SLC35F3: variants seen among roughly 807,000 people sequenced by gnomAD.
SLC35F3 encodes the protein solute carrier family 35 member F3.
In SLC35F3, 25 loss-of-function variants were observed where a neutral mutation model predicts 49.9. That is an observed-to-expected ratio of 0.50 (90% CI 0.37 to 0.70). The LOEUF is 0.70. Ranked by LOEUF, SLC35F3 falls within the 30% of genes least tolerant of loss-of-function variation. The pLI, the probability that SLC35F3 is intolerant of heterozygous loss-of-function variation, is 0.00. For synonymous variants in SLC35F3, 275 were observed against 265.4 expected (o/e 1.04, Z -0.35); for missense variants, 525 against 639.8 (o/e 0.82, Z 1.94).
chr1:233,980,337 A>G (rs1663162980), intron 2 of SLC35F3, among the ~76,000 whole-genome samples: 1 of 152,216 alleles, frequency 6.6e-6, no homozygotes, highest in Non-Finnish European at 1.5e-5. Flanking sequence ...GATGATGCCA[A>G]CGACAATGAT....
At chr1:234,220,311 C>T in intron 2 of SLC35F3, among the ~76,000 whole-genome samples, 1 of 151,834 alleles carries the variant, frequency 6.6e-6, no homozygotes, top group African/African-American at 2.4e-5. Context: ...TGTGTGTGTG[C>T]TCATGTGTAC....
At chr1:234,100,162 G>T (rs1665192839) in intron 2 of SLC35F3, among the ~76,000 whole-genome samples, 1 of 152,142 alleles carries the variant, frequency 6.6e-6, no homozygotes, top group Non-Finnish European at 1.5e-5. Context: ...GAAACTAAAT[G>T]AAAATGAAAT....
intron 2 of SLC35F3, among the ~76,000 whole-genome samples, chr1:233,997,377 A>G: frequency 6.6e-6 from 1 of 151,980 alleles, no homozygotes; most frequent in East Asian, 1.9e-4. Flanking sequence ...CACAACAATG[A>G]AAAAAGGGTT....
chr1:233,997,260 A>G (rs1015673588), intron 2 of SLC35F3, among the ~76,000 whole-genome samples: 3 of 152,142 alleles, frequency 2.0e-5, no homozygotes, highest in South Asian at 2.1e-4. Context: ...TCCTTTGGGT[A>G]TATATCCAGC....
chr1:234,165,794 G>C (rs868352789), intron 2 of SLC35F3, among the ~76,000 whole-genome samples: 1 of 152,098 alleles, frequency 6.6e-6, no homozygotes, highest in Non-Finnish European at 1.5e-5. Flanking sequence ...TGGGATTTTA[G>C]TGTACCCCTC....
chr1:234,083,851 TTTTGAGA>T (rs1433582035), intron 2 of SLC35F3, among the ~76,000 whole-genome samples: 1 of 151,624 alleles, frequency 6.6e-6, no homozygotes, highest in Non-Finnish European at 1.5e-5. Flanking sequence ...TTTTTTTTTT[TTTTGAGA>T]TGGAGTTTCG....
intron 2 of SLC35F3, among the ~76,000 whole-genome samples, chr1:234,134,131 TAACA>T (rs1470012673): frequency 2.6e-5 from 4 of 152,154 alleles, no homozygotes; most frequent in African/African-American, 7.2e-5. Context: ...TTCTTTCATT[TAACA>T]AATATTTATT....
At chr1:234,170,499 A>G (rs1298479032) in intron 2 of SLC35F3, among the ~76,000 whole-genome samples, 1 of 151,976 alleles carries the variant, frequency 6.6e-6, no homozygotes, top group Admixed American at 6.6e-5. Context: ...ACCTGCTGGC[A>G]GGCAGACCCC....
At chr1:234,105,091 G>A (rs1308402963) in intron 2 of SLC35F3, among the ~76,000 whole-genome samples, 1 of 148,246 alleles carries the variant, frequency 6.7e-6, no homozygotes, top group Admixed American at 6.8e-5. Flanking sequence ...TCGTGCCACT[G>A]CACTCTGGCC....
At chr1:233,959,498 G>T (rs1430281867) in intron 2 of SLC35F3, among the ~76,000 whole-genome samples, 4 of 152,138 alleles carry the variant, frequency 2.6e-5, no homozygotes, top group African/African-American at 4.8e-5. Context: ...ATTAAAAGAG[G>T]TATGAAAGAT....
At chr1:234,220,372 C>T (rs551049979) in intron 2 of SLC35F3, among the ~76,000 whole-genome samples, 2 of 152,170 alleles carry the variant, frequency 1.3e-5, no homozygotes, top group South Asian at 4.1e-4. Context: ...ATTTTTTAAA[C>T]TCTGCTGGAA....
At chr1:234,122,379 A>C (rs1211384074) in intron 2 of SLC35F3, among the ~76,000 whole-genome samples, 1 of 152,246 alleles carries the variant, frequency 6.6e-6, no homozygotes, top group Admixed American at 6.5e-5. Flanking sequence ...CTTTTTAAAT[A>C]TATAGGCAAA....
chr1:234,244,615 T>C (rs1343774931), intron 3 of SLC35F3, among the ~76,000 whole-genome samples: 1 of 150,318 alleles, frequency 6.7e-6, no homozygotes, highest in East Asian at 1.9e-4. Context: ...TGCTTGATTA[T>C]CACTTTTTTT....
intron 2 of SLC35F3, among the ~76,000 whole-genome samples, chr1:234,226,847 A>G (rs1380437239): frequency 1.3e-5 from 2 of 152,158 alleles, no homozygotes; most frequent in African/African-American, 4.8e-5. Context: ...TCAGGACACT[A>G]AGACAGGGCT....
intron 2 of SLC35F3, among the ~76,000 whole-genome samples, chr1:234,063,584 T>C (rs1336877282): frequency 6.6e-6 from 1 of 152,152 alleles, no homozygotes; most frequent in African/African-American, 2.4e-5. Context: ...ACTTGTTTAA[T>C]CCTAAATGGG....
chr1:233,926,319 G>A (rs1172091880), intron 2 of SLC35F3, among the ~76,000 whole-genome samples: 1 of 152,020 alleles, frequency 6.6e-6, no homozygotes, highest in Non-Finnish European at 1.5e-5. Flanking sequence ...TTTCTTGGCG[G>A]CTTTATTCGT....
At position 233,905,736 on chromosome 1, in the gene SLC35F3, G is replaced by A. The variant is rs1661765587; in HGVS notation, c.261G>A (p.Gln87=). 6.2e-6 allele frequency: 10 copies of A among 1,612,522 alleles called. No individual in the cohort carries two copies. Among genetic ancestry groups the A allele is most frequent in the Non-Finnish European group, 8.5e-6 (10 of 1,178,848 alleles). The part of the protein sequence containing the change: ...ILRITGYYGY[Q]PWAASCKREE... The stretch of plus-strand genomic sequence containing the variant: ...GCATCACTGGCTACTATGGCTACCA[G>A]CCCTGGGCAGCGAGCTGCAAAAGTA... The change falls in exon 2 of 8, where the codon CAG becomes CAA. Residue 87 remains glutamine, a synonymous_variant. Transcript: ENST00000366618.
Position 234,121,474 on chromosome 1 carries a change from T to C in SLC35F3, c.284-109943T>C, listed in dbSNP as rs1317457084. Among the ~76,000 whole-genome samples, 7 of 152,304 alleles carry C rather than the reference T, an allele frequency of 4.6e-5. No homozygotes were observed. In the East Asian group the frequency reaches 1.3e-3, roughly 29 times the overall value. On this transcript the variant is annotated intron_variant, in intron 2 of 7. Coordinates refer to ENST00000366618, the MANE Select transcript of SLC35F3 (RefSeq NM_173508.4). ...TTCTTAATGCAGAGTAAATATAATA[T>C]ATTTTAGAAGAAAGACTTGGAAATG...
chr1:233,952,354 T>C (rs1273891875), intron 2 of SLC35F3, among the ~76,000 whole-genome samples: 1 of 152,204 alleles, frequency 6.6e-6, no homozygotes, highest in East Asian at 1.9e-4. Context: ...GACTTTCTCC[T>C]AGAACAATTA....
Sources: allele counts gnomAD v4.1 joint callset (sites outside exome capture counted in the v4.1 genomes callset), GRCh38; gene constraint gnomAD v4.1.1; transcripts MANE v1.5; gene names NCBI Gene and HGNC (gene_info 2026-07-23, HGNC 2026-07-21).